The following FAIM2 variants were observed in gnomAD, a reference collection of about 807,000 sequenced individuals.
FAIM2 encodes Fas apoptotic inhibitory molecule 2.
A neutral mutation model predicts 47.4 loss-of-function variants in FAIM2; 27 were observed. The observed-to-expected ratio is 0.57, with a 90% CI of 0.42 to 0.78. The LOEUF (loss-of-function observed/expected upper bound fraction) is 0.78. Among genes scored for constraint, FAIM2 ranks in the 30% least tolerant of loss-of-function variants. The probability of loss-of-function intolerance (pLI) is 0.00; values close to 1 mark genes in which losing one functional copy is unlikely to be tolerated. For synonymous variants in FAIM2, 156 were observed against 159.3 expected (o/e 0.98, Z 0.16); for missense variants, 311 against 389.4 (o/e 0.80, Z 1.69).
chr12:49,880,551 CGTGTGT>C (rs542112032), intron 11 of FAIM2, among the ~76,000 whole-genome samples: 5 of 25,982 alleles, frequency 1.9e-4, no homozygotes, highest in Non-Finnish European at 6.7e-5. Flanking sequence ...TGTATGCATG[CGTGTGT>C]GTGCATGTGT....
chr12:49,890,230 G>T, intron 7 of FAIM2, 76 bp from the exon 8 acceptor site: 1 of 1,357,108 alleles, frequency 7.4e-7, no homozygotes. Context: ...GTCCAGCTCA[G>T]GTCTCCACCC....
chr12:49,889,236 G>T (rs371670853), intron 9 of FAIM2, 34 bp from the exon 10 acceptor site: 1 of 1,544,762 alleles, frequency 6.5e-7, no homozygotes, highest in Non-Finnish European at 8.9e-7. Context: ...CTGCAGGAGC[G>T]GCCTGACCTT....
chr12:49,877,979 T>C (rs1318554032), intron 11 of FAIM2, among the ~76,000 whole-genome samples: 4 of 151,926 alleles, frequency 2.6e-5, no homozygotes, highest in Non-Finnish European at 5.9e-5. Context: ...TGTGTGCATG[T>C]ATGTGTTTAT....
chr12:49,903,756 C>G, intron 1 of FAIM2, 22 bp downstream of exon 1: 1 of 1,550,464 alleles, frequency 6.4e-7, no homozygotes, highest in East Asian at 2.5e-5. Context: ...GAGGATGGTG[C>G]AGGCTGGGGA....
At chr12:49,879,951 C>T (rs576397431) in intron 11 of FAIM2, among the ~76,000 whole-genome samples, 5 of 93,736 alleles carry the variant, frequency 5.3e-5, no homozygotes, top group Admixed American at 1.2e-4. Flanking sequence ...TATATATGTG[C>T]GCTTGTATGT....
At chr12:49,886,580 A>G (rs1206922188) in intron 11 of FAIM2, among the ~76,000 whole-genome samples, 1 of 152,028 alleles carries the variant, frequency 6.6e-6, no homozygotes, top group Non-Finnish European at 1.5e-5. Flanking sequence ...GGTTCACACC[A>G]TTCTCCTGCC....
intron 4 of FAIM2, 61 bp from the exon 5 acceptor site, chr12:49,897,145 T>C (rs751642345): frequency 3.4e-4 from 449 of 1,322,854 alleles, no homozygotes; most frequent in Non-Finnish European, 4.2e-4. Flanking sequence ...CATTTCTGGT[T>C]CAGCATCTGC....
chr12:49,898,235 CCCAG>C, intron 2 of FAIM2, 145 bp from the exon 3 acceptor site: 1 of 300,444 alleles, frequency 3.3e-6, no homozygotes, highest in East Asian at 4.7e-5. Flanking sequence ...TTATCAAACA[CCCAG>C]CCCGGCTCCA....
At chr12:49,878,125 TGCATGTGA>T (rs1387080407) in intron 11 of FAIM2, among the ~76,000 whole-genome samples, 3 of 121,698 alleles carry the variant, frequency 2.5e-5, no homozygotes, top group African/African-American at 9.4e-5. Flanking sequence ...TGGGTATGTG[TGCATGTGA>T]GTGTGCATGT....
intron 1 of FAIM2, 30 bp downstream of exon 1, chr12:49,903,748 G>A (rs1204526448): frequency 1.3e-6 from 2 of 1,550,944 alleles, no homozygotes; most frequent in Non-Finnish European, 8.7e-7. Flanking sequence ...GGAGGATGGA[G>A]GATGGTGCAG....
chr12:49,900,118 G>A (rs1385011180), intron 2 of FAIM2: 2 of 993,756 alleles, frequency 2.0e-6, no homozygotes, highest in East Asian at 1.2e-4. Context: ...GCCGGCGGGT[G>A]TGTAGGGAAG....
intron 1 of FAIM2, chr12:49,901,602 T>C (rs1359902225): frequency 1.2e-5 from 4 of 334,506 alleles, no homozygotes; most frequent in Admixed American, 4.9e-5. Context: ...ACTGTCATTG[T>C]CCCTGGGGTA....
At chr12:49,878,473 TGTGC>T (rs1315797017) in intron 11 of FAIM2, among the ~76,000 whole-genome samples, 1 of 101,454 alleles carries the variant, frequency 9.9e-6, no homozygotes, top group African/African-American at 3.2e-5. Flanking sequence ...TGTATGTGTG[TGTGC>T]ATGTGTGTAT....
At chr12:49,892,232 C>G (rs1253763250) in intron 5 of FAIM2, among the ~76,000 whole-genome samples, 1 of 152,200 alleles carries the variant, frequency 6.6e-6, no homozygotes, top group East Asian at 1.9e-4. Flanking sequence ...GTCCCTCCTC[C>G]CGTCCCAGGC....
intron 6 of FAIM2, 76 bp downstream of exon 6, chr12:49,890,988 G>C: frequency 7.0e-7 from 1 of 1,429,110 alleles, no homozygotes; most frequent in Non-Finnish European, 9.9e-7. Context: ...CTCACTGGTG[G>C]CTGGCAGGGC....
chr12:49,888,559 T>C (rs1211902502), intron 10 of FAIM2, among the ~76,000 whole-genome samples: 1 of 151,864 alleles, frequency 6.6e-6, no homozygotes, highest in African/African-American at 2.4e-5. Context: ...GCCTGCAGAG[T>C]CTCAGTTGGA....
intron 11 of FAIM2, among the ~76,000 whole-genome samples, chr12:49,877,009 C>T (rs1946741260): frequency 6.6e-6 from 1 of 152,204 alleles, no homozygotes; most frequent in Non-Finnish European, 1.5e-5. Context: ...GTGGGGGGCA[C>T]TGGCCAGCTG....
At chr12:49,889,340 T>A in intron 9 of FAIM2, 138 bp from the exon 10 acceptor site, 1 of 952,062 alleles carries the variant, frequency 1.1e-6, no homozygotes, top group Non-Finnish European at 1.7e-6. Context: ...CTCCCCCTCA[T>A]CAGGTGGCTT....
chr12:49,888,562 C>T (rs1946877140), intron 10 of FAIM2, among the ~76,000 whole-genome samples: 1 of 152,164 alleles, frequency 6.6e-6, no homozygotes, highest in Non-Finnish European at 1.5e-5. Context: ...TGCAGAGTCT[C>T]AGTTGGATTC....
Sources: allele counts gnomAD v4.1 joint callset (sites outside exome capture counted in the v4.1 genomes callset), GRCh38; gene constraint gnomAD v4.1.1; transcripts MANE v1.5; gene names NCBI Gene and HGNC (gene_info 2026-07-23, HGNC 2026-07-21).